Variants in ATP8B1 observed in about 807,000 individuals in gnomAD.
The protein encoded by ATP8B1 is ATPase phospholipid transporting 8B1.
ATP8B1 carries 80 observed loss-of-function variants against 149.9 expected under a neutral mutation model. That is an observed-to-expected ratio of 0.53 (90% confidence interval 0.45 to 0.64). ATP8B1 has a LOEUF of 0.64. Among genes scored for constraint, ATP8B1 ranks in the 30% least tolerant of loss-of-function variants. The pLI is 0.00. For synonymous variants in ATP8B1, 536 were observed against 562.8 expected (o/e 0.95, Z 0.67); for missense variants, 1,247 against 1,552.6 (o/e 0.80, Z 3.31).
At chr18:57,775,444 AGAGAGG>A (rs1233201893) in intron 1 of ATP8B1, among the ~76,000 whole-genome samples, 1 of 151,966 alleles carries the variant, frequency 6.6e-6, no homozygotes, top group African/African-American at 2.4e-5. Context: ...AGAAGAAGGA[AGAGAGG>A]GAGGAAGGGA....
intron 20 of ATP8B1, among the ~76,000 whole-genome samples, chr18:57,663,564 G>T (rs1451959081): frequency 6.6e-6 from 1 of 152,086 alleles, no homozygotes; most frequent in African/African-American, 2.4e-5. Flanking sequence ...ACACACAAAG[G>T]TTCCTTCAAC....
In ATP8B1 at chr18:57,669,407, T is replaced by G. The variant is rs769168354; in HGVS notation, c.2008A>C (p.Asn670His). 6.2e-7 allele frequency: 1 copy of G among 1,613,772 alleles called. No homozygotes were observed. The highest frequency in any genetic ancestry group is 1.1e-5 in the South Asian group (1 of 91,062). The change falls in exon 18 of 28, where the codon AAT becomes CAT. Residue 670 changes from asparagine (N) to histidine (H), a missense_variant. Physicochemically the swap from Asn to His is moderately conservative, Grantham distance 68 (BLOSUM62 1). This residue lies in a region of ATP8B1 where 853 missense variants were observed against 1,035.7 expected (regional missense o/e 0.82). Coordinates refer to ENST00000648908, the MANE Select transcript of ATP8B1 (RefSeq NM_001374385.1). ...EIEEKEFTEW[N>H]KKFMAASVAS... ...ACACTGGCAGCCATAAACTTTTTATTCCATTCTGTAAATTCTTTTTCTTCA... is the reference window on the plus strand; with the variant it reads ...ACACTGGCAGCCATAAACTTTTTATGCCATTCTGTAAATTCTTTTTCTTCA...
rs927275435 is a variant in ATP8B1, at chr18:57,784,427, C to T, written c.-26+18571G>A. Among the ~76,000 whole-genome samples, 3 of 152,076 alleles carry T rather than the reference C, an allele frequency of 2.0e-5. No individual in the cohort carries two copies. The highest frequency in any genetic ancestry group is 2.1e-4 in the South Asian group (1 of 4,820). On this transcript the variant is annotated intron_variant, in intron 1 of 27. Coordinates refer to ENST00000648908, the MANE Select transcript of ATP8B1 (RefSeq NM_001374385.1). The surrounding 1 kb of genome is among the most constrained non-coding windows in gnomAD (Gnocchi z 4.4). ...AGGGAGGATGACAGCTTGAACCTCGCGGATGGCAGCGGAGATAGAGGTTAT... is the reference window on the plus strand; with the variant it reads ...AGGGAGGATGACAGCTTGAACCTCGTGGATGGCAGCGGAGATAGAGGTTAT...
At chr18:57,673,032 T>TATAA (rs1231795067) in intron 16 of ATP8B1, among the ~76,000 whole-genome samples, 4 of 145,206 alleles carry the variant, frequency 2.8e-5, no homozygotes, top group Non-Finnish European at 4.5e-5. Context: ...TATGTATATA[T>TATAA]ATATAAATAT....
intron 19 of ATP8B1, 56 bp from the exon 20 acceptor site, chr18:57,667,223 A>G: frequency 5.5e-6 from 8 of 1,461,738 alleles, no homozygotes; most frequent in Non-Finnish European, 6.7e-6. Flanking sequence ...ATTTTATTTT[A>G]TTTTGTTTTT....
intron 15 of ATP8B1, among the ~76,000 whole-genome samples, chr18:57,682,441 A>G (rs1912028940): frequency 6.6e-6 from 1 of 152,236 alleles, no homozygotes; most frequent in Admixed American, 6.5e-5. Context: ...CACTGGGGAA[A>G]GATAGAATAG....
chr18:57,698,836 C>T (rs1912967032), intron 6 of ATP8B1, among the ~76,000 whole-genome samples: 2 of 152,362 alleles, frequency 1.3e-5, no homozygotes, highest in South Asian at 4.1e-4. Flanking sequence ...TCTTTCCCCA[C>T]ATTCCCTCGC....
At chr18:57,782,923 G>A (rs1037332241) in intron 1 of ATP8B1, among the ~76,000 whole-genome samples, 4 of 142,000 alleles carry the variant, frequency 2.8e-5, no homozygotes, top group Non-Finnish European at 6.0e-5. Context: ...AGCAATTCTC[G>A]TGGCTCAACC....
chr18:57,699,436 T>C (rs1913001571), intron 6 of ATP8B1, among the ~76,000 whole-genome samples: 2 of 152,164 alleles, frequency 1.3e-5, no homozygotes, highest in Admixed American at 6.5e-5. Flanking sequence ...GAGGTTGTTG[T>C]TGTTAAGACA....
At chr18:57,762,052 G>T (rs187517127) in intron 1 of ATP8B1, among the ~76,000 whole-genome samples, 1 of 150,790 alleles carries the variant, frequency 6.6e-6, no homozygotes, top group Non-Finnish European at 1.5e-5. Context: ...CTTAGTGTAC[G>T]CTGTTCACAT....
chr18:57,731,672 G>A lies in ATP8B1; in HGVS notation c.136C>T (p.Arg46Ter), dbSNP rs775827012. Residue 46 changes from arginine (R) to a stop codon, truncating the protein, a stop_gained, in exon 2 of 28, where the codon CGA becomes TGA. Coordinates refer to ENST00000648908, the MANE Select transcript of ATP8B1 (RefSeq NM_001374385.1). LOFTEE classifies it high-confidence loss of function. ...QGSAVEPEQN[R>*]VNREAEENRE... Reference sequence around the variant, plus strand: ...TTCTCCTCTGCTTCCCTGTTGACTCGGTTTTGTTCTGGTTCAACAGCAGAC... The same window carrying A: ...TTCTCCTCTGCTTCCCTGTTGACTCAGTTTTGTTCTGGTTCAACAGCAGAC... 7 of 1,613,904 alleles carry A rather than the reference G, an allele frequency of 4.3e-6. No individual in the cohort carries two copies. Among genetic ancestry groups the A allele is most frequent in the East Asian group, 2.2e-5 (1 of 44,866 alleles).
intron 13 of ATP8B1, among the ~76,000 whole-genome samples, chr18:57,685,672 C>T (rs896351877): frequency 1.6e-4 from 24 of 152,084 alleles, no homozygotes; most frequent in African/African-American, 5.6e-4. Context: ...TGGCTCACAC[C>T]TGTAATCCCA....
At chr18:57,659,311 T>C (rs1910235016) in intron 22 of ATP8B1, among the ~76,000 whole-genome samples, 1 of 151,964 alleles carries the variant, frequency 6.6e-6, no homozygotes, top group Non-Finnish European at 1.5e-5. Flanking sequence ...CAGTGCTTAA[T>C]AAAAATTTTA....
intron 2 of ATP8B1, among the ~76,000 whole-genome samples, chr18:57,725,112 G>A (rs1239726116): frequency 9.5e-6 from 1 of 105,104 alleles, no homozygotes; most frequent in African/African-American, 3.6e-5. Context: ...GGGGTGGGGG[G>A]AGGGGGGAGG....
In ATP8B1 at chr18:57,661,279, C is replaced by A; in HGVS notation, c.2602G>T (p.Val868Phe). The A allele has an allele frequency of 6.2e-7, 1 of 1,613,908 alleles. No individual in the cohort carries two copies. Among genetic ancestry groups the A allele is most frequent in the Non-Finnish European group, 8.5e-7 (1 of 1,179,996 alleles). ...ACCATGGCCTTCTGCTTGGGGGTGACGCGGCAGCAGATGACTGCGCTGCAC... is the reference window on the plus strand; with the variant it reads ...ACCATGGCCTTCTGCTTGGGGGTGAAGCGGCAGCAGATGACTGCGCTGCAC... ...CECSAVICCR[V>F]TPKQKAMVVD... Residue 868 changes from valine to phenylalanine, a missense_variant, in exon 22 of 28, where the codon GTC (valine) becomes TTC (phenylalanine). Val to Phe is a conservative substitution (Grantham distance 50). This residue lies in a region of ATP8B1 where 230 missense variants were observed against 356.6 expected (regional missense o/e 0.65). Coordinates refer to ENST00000648908, the MANE Select transcript of ATP8B1 (RefSeq NM_001374385.1).
Position 57,685,570 on chromosome 18 carries a change from ATAT to A in ATP8B1, c.1430-458_1430-456del, listed in dbSNP as rs376973832. Among the ~76,000 whole-genome samples, 61 of 152,156 alleles carry A rather than the reference ATAT, an allele frequency of 4.0e-4. No homozygotes were observed. In the East Asian group the frequency reaches 0.011, roughly 27 times the overall value. ...CTATTTGAATCTAGTATTAGCCTTA[ATAT>A]TATCTCTAAATTTACATAAAATTAA... On this transcript the variant is annotated intron_variant, in intron 13 of 27. Transcript: ENST00000648908.
intron 1 of ATP8B1, among the ~76,000 whole-genome samples, chr18:57,775,708 A>G (rs1026365703): frequency 1.4e-5 from 2 of 143,084 alleles, no homozygotes; most frequent in Admixed American, 1.5e-4. Flanking sequence ...GCAATGGTGC[A>G]TTCTCAGCTC....
At chr18:57,724,548 G>A (rs988275166) in intron 2 of ATP8B1, among the ~76,000 whole-genome samples, 7 of 152,094 alleles carry the variant, frequency 4.6e-5, no homozygotes, top group African/African-American at 7.2e-5. Context: ...AAACCACTGT[G>A]AGATACCATC....
At position 57,669,405 on chromosome 18, in the gene ATP8B1, A is replaced by T. The variant is rs537871866; in HGVS notation, c.2010T>A (p.Asn670Lys). The change falls in exon 18 of 28, where the codon AAT becomes AAA. Residue 670 changes from asparagine to lysine, a missense_variant. Physicochemically the swap from Asn to Lys is moderately conservative, Grantham distance 94. Coordinates refer to ENST00000648908, the MANE Select transcript of ATP8B1 (RefSeq NM_001374385.1). ...CCACACTGGCAGCCATAAACTTTTT[A>T]TTCCATTCTGTAAATTCTTTTTCTT... ...EIEEKEFTEW[N>K]KKFMAASVAS... 6.2e-7 allele frequency: 1 copy of T among 1,613,892 alleles called. No individual in the cohort carries two copies. Among genetic ancestry groups the T allele is most frequent in the African/African-American group, 1.3e-5 (1 of 75,060 alleles).
Sources: allele counts gnomAD v4.1 joint callset (sites outside exome capture counted in the v4.1 genomes callset), GRCh38; gene constraint gnomAD v4.1.1; regional missense constraint gnomAD v4.1.1; non-coding constraint Gnocchi (gnomAD v3.1); transcripts MANE v1.5; gene names NCBI Gene and HGNC (gene_info 2026-07-23, HGNC 2026-07-21).